PUM1: variants seen among roughly 807,000 people sequenced by gnomAD.
PUM1 encodes pumilio homolog 1.
A neutral mutation model predicts 131.8 loss-of-function variants in PUM1; 13 were observed. That is an observed-to-expected ratio of 0.10 (90% CI 0.06 to 0.16). PUM1 has a LOEUF of 0.16. PUM1 is among the 10% of genes least tolerant of loss of function. The probability of loss-of-function intolerance (pLI) is 1.00; values close to 1 mark genes in which losing one functional copy is unlikely to be tolerated. For missense variants in PUM1, 961 were observed against 1,512.4 expected (o/e 0.64, Z 6.05); for synonymous variants, 509 against 556.5 (o/e 0.91, Z 1.20).
intron 9 of PUM1, among the ~76,000 whole-genome samples, chr1:30,977,122 T>C (rs1234051772): frequency 2.6e-5 from 4 of 152,232 alleles, no homozygotes; most frequent in Non-Finnish European, 4.4e-5. Flanking sequence ...TTACGTTTCA[T>C]ATATGCCTTA....
At chr1:30,947,670 C>T (rs371454917) in intron 17 of PUM1, among the ~76,000 whole-genome samples, 2 of 152,274 alleles carry the variant, frequency 1.3e-5, no homozygotes, top group South Asian at 2.1e-4. Flanking sequence ...CTAAACTGTG[C>T]TGCCAGTGGA....
intron 1 of PUM1, among the ~76,000 whole-genome samples, chr1:31,063,121 G>A (rs1012582515): frequency 3.3e-5 from 5 of 152,012 alleles, no homozygotes; most frequent in Non-Finnish European, 5.9e-5. Context: ...TACTCTCTTA[G>A]TACTAATACT....
intron 21 of PUM1, among the ~76,000 whole-genome samples, chr1:30,935,257 G>C (rs570661487): frequency 6.6e-5 from 10 of 152,242 alleles, no homozygotes; most frequent in Admixed American, 2.0e-4. Context: ...TCTGGTCTCT[G>C]GCGTCCAAGT....
rs1409377317 is a variant in PUM1 at position 30,942,047 on chromosome 1, G to A, written c.3071C>T (p.Thr1024Ile). ...GTGAAGCTCCTCTAAAATAGGGAGT[G>A]TCTGGTCAGGGAGACAGTGCTCCAG... ...RILEHCLPDQ[T>I]LPILEELHQH... The change falls in exon 19 of 22, where the codon ACA becomes ATA. Residue 1024 changes from threonine to isoleucine, a missense_variant. By Grantham distance (89) the Thr-to-Ile change is moderately conservative. This residue lies in a region of PUM1 where 178 missense variants were observed against 327.5 expected (regional missense o/e 0.54). Transcript: ENST00000426105. 1.9e-6 allele frequency: 3 copies of A among 1,602,208 alleles called. No individual in the cohort carries two copies. Among genetic ancestry groups the A allele is most frequent in the Admixed American group, 1.7e-5 (1 of 59,620 alleles).
chr1:30,966,786 C>T (rs762323375), intron 12 of PUM1, among the ~76,000 whole-genome samples: 1 of 152,232 alleles, frequency 6.6e-6, no homozygotes, highest in Non-Finnish European at 1.5e-5. Flanking sequence ...TCTCACTACT[C>T]TTTCCCACGT....
intron 2 of PUM1, among the ~76,000 whole-genome samples, chr1:31,042,471 T>A (rs1057187976): frequency 2.6e-5 from 4 of 152,154 alleles, no homozygotes; most frequent in African/African-American, 9.7e-5. Flanking sequence ...CAGCACTTCA[T>A]CAGGGGAAAA....
intron 15 of PUM1, among the ~76,000 whole-genome samples, chr1:30,952,709 T>G (rs1320433652): frequency 3.0e-3 from 220 of 74,316 alleles, no homozygotes; most frequent in Admixed American, 4.7e-3. Context: ...GGGGCAGGGG[T>G]GCAGGAAGAG....
At chr1:30,982,682 C>T (rs554584774) in intron 7 of PUM1, among the ~76,000 whole-genome samples, 1 of 152,200 alleles carries the variant, frequency 6.6e-6, no homozygotes, top group South Asian at 2.1e-4. Flanking sequence ...ATTCTAGCAA[C>T]TCAGCTTAAT....
At chr1:30,936,962 G>T in intron 20 of PUM1, 127 bp from the exon 21 acceptor site, 1 of 768,214 alleles carries the variant, frequency 1.3e-6, no homozygotes, top group Non-Finnish European at 2.0e-6. Flanking sequence ...ATTTGAGGAA[G>T]ATGAGTCGCC....
intron 2 of PUM1, among the ~76,000 whole-genome samples, chr1:31,034,235 T>C (rs986930252): frequency 1.3e-5 from 2 of 152,344 alleles, no homozygotes; most frequent in Admixed American, 1.3e-4. Context: ...ACAATGAACG[T>C]CCCTTTACTG....
intron 7 of PUM1, among the ~76,000 whole-genome samples, chr1:30,991,705 A>T (rs542866711): frequency 2.0e-5 from 3 of 152,358 alleles, no homozygotes; most frequent in South Asian, 4.1e-4. Context: ...CAGACAGCTG[A>T]CCTTTCTTTA....
At chr1:31,037,471 G>C (rs1408698940) in intron 2 of PUM1, among the ~76,000 whole-genome samples, 1 of 152,180 alleles carries the variant, frequency 6.6e-6, no homozygotes, top group Non-Finnish European at 1.5e-5. Flanking sequence ...ATGCCTCCCA[G>C]CACTTGGGAG....
chr1:31,012,492 C>T (rs138319175), intron 3 of PUM1, among the ~76,000 whole-genome samples: 45 of 145,718 alleles, frequency 3.1e-4, no homozygotes, highest in Middle Eastern at 7.5e-3. Flanking sequence ...AACACACACA[C>T]GTACACTGTT....
chr1:30,986,427 G>A (rs1162889096), intron 7 of PUM1, among the ~76,000 whole-genome samples: 1 of 152,088 alleles, frequency 6.6e-6, no homozygotes, highest in East Asian at 1.9e-4. Flanking sequence ...GTGAAATCTT[G>A]TTACTGCTTG....
intron 14 of PUM1, among the ~76,000 whole-genome samples, chr1:30,957,718 C>T (rs1444957232): frequency 6.6e-6 from 1 of 152,208 alleles, no homozygotes; most frequent in African/African-American, 2.4e-5. Context: ...CATTTACTTG[C>T]TTTTTGTACT....
intron 20 of PUM1, among the ~76,000 whole-genome samples, chr1:30,938,169 T>TGCTGGGG: frequency 6.6e-6 from 1 of 152,348 alleles, no homozygotes. Flanking sequence ...CCTTCCAACA[T>TGCTGGGG]GCTGGGGTTA....
At chr1:31,007,205 C>A in intron 3 of PUM1, 103 bp from the exon 4 acceptor site, 1 of 782,668 alleles carries the variant, frequency 1.3e-6, no homozygotes, top group Non-Finnish European at 2.1e-6. Context: ...TGCTCACGTG[C>A]CCTGAAGGTC....
chr1:30,996,073 T>C (rs1270067832), intron 5 of PUM1, among the ~76,000 whole-genome samples: 2 of 152,238 alleles, frequency 1.3e-5, no homozygotes, highest in Admixed American at 6.5e-5. Context: ...ATAAAGTACA[T>C]GTACCTTGAT....
intron 3 of PUM1, among the ~76,000 whole-genome samples, chr1:31,012,573 AATTCAGTAAGC>A (rs1642663383): frequency 6.6e-6 from 1 of 151,142 alleles, no homozygotes; most frequent in East Asian, 1.9e-4. Context: ...AAAAAAAAAA[AATTCAGTAAGC>A]TTATCTATGA....
Sources: gnomAD v4.1 joint callset for allele counts (sites outside exome capture counted in the v4.1 genomes callset) on GRCh38, gnomAD v4.1.1 for gene constraint, gnomAD v4.1.1 regional missense constraint, MANE v1.5 for transcripts, NCBI Gene and HGNC (gene_info 2026-07-23, HGNC 2026-07-21) for gene names.